Variants in ASTN1 observed in about 807,000 individuals in gnomAD.
ASTN1 encodes astrotactin-1.
In ASTN1, 41 loss-of-function variants were observed where a neutral mutation model predicts 140.7. The observed-to-expected ratio is 0.29, with a 90% CI of 0.23 to 0.38. ASTN1 has a LOEUF of 0.38. Ranked by LOEUF, ASTN1 falls within the 10% of genes least tolerant of loss-of-function variation. The pLI, the probability that ASTN1 is intolerant of heterozygous loss-of-function variation, is 1.00. For synonymous variants in ASTN1, 640 were observed against 652.2 expected (o/e 0.98, Z 0.29); for missense variants, 1,479 against 1,678.8 (o/e 0.88, Z 2.08).
intron 11 of ASTN1, among the ~76,000 whole-genome samples, chr1:176,955,244 G>A (rs544026375): frequency 1.3e-5 from 2 of 152,276 alleles, no homozygotes; most frequent in South Asian, 4.2e-4. Context: ...TGGTTCAGCT[G>A]ATACATTTGT....
intron 9 of ASTN1, among the ~76,000 whole-genome samples, chr1:176,960,068 G>C (rs1350532361): frequency 1.3e-5 from 2 of 151,986 alleles, no homozygotes; most frequent in Non-Finnish European, 2.9e-5. Flanking sequence ...CAAACACACA[G>C]TTACACACTT....
intron 1 of ASTN1, among the ~76,000 whole-genome samples, chr1:177,083,659 G>T (rs768752945): frequency 1.2e-4 from 18 of 152,052 alleles, no homozygotes; most frequent in Non-Finnish European, 2.1e-4. Flanking sequence ...GCAAGCAATA[G>T]AAAAATCTTT....
chr1:176,967,482 T>C (rs1672936851), intron 8 of ASTN1, among the ~76,000 whole-genome samples: 1 of 152,238 alleles, frequency 6.6e-6, no homozygotes, highest in South Asian at 2.1e-4. Flanking sequence ...GGTAGGATCA[T>C]ATTTTATTTA....
At chr1:177,041,424 A>C (rs1676966505) in intron 2 of ASTN1, among the ~76,000 whole-genome samples, 1 of 152,236 alleles carries the variant, frequency 6.6e-6, no homozygotes, top group Non-Finnish European at 1.5e-5. Flanking sequence ...AGGGTCCACA[A>C]GGAAGCAGAA....
chr1:176,909,846 A>C (rs1002906673), intron 16 of ASTN1, among the ~76,000 whole-genome samples: 2 of 152,192 alleles, frequency 1.3e-5, no homozygotes. Context: ...TGGAATCACA[A>C]ACCCACAGAA....
intron 16 of ASTN1, among the ~76,000 whole-genome samples, chr1:176,926,882 C>T (rs1307303870): frequency 1.3e-5 from 2 of 152,194 alleles, no homozygotes; most frequent in African/African-American, 4.8e-5. Flanking sequence ...AAGGACAGGT[C>T]TAGGCTGTCC....
intron 2 of ASTN1, among the ~76,000 whole-genome samples, chr1:177,046,578 C>T (rs934242815): frequency 1.3e-5 from 2 of 152,164 alleles, no homozygotes; most frequent in Non-Finnish European, 2.9e-5. Context: ...ACCCTTTATA[C>T]CATGCCTCGT....
intron 1 of ASTN1, among the ~76,000 whole-genome samples, chr1:177,072,048 G>T (rs1412307003): frequency 6.6e-6 from 1 of 152,114 alleles, no homozygotes; most frequent in Non-Finnish European, 1.5e-5. Flanking sequence ...CAATTTCAAG[G>T]GTTAGAGCTA....
At chr1:177,005,539 A>G (rs1674951796) in intron 8 of ASTN1, among the ~76,000 whole-genome samples, 2 of 152,272 alleles carry the variant, frequency 1.3e-5, no homozygotes, top group Non-Finnish European at 2.9e-5. Flanking sequence ...TGTTTGTCAT[A>G]GCACAATTCA....
chr1:176,885,472 A>G (rs187760070), intron 18 of ASTN1, among the ~76,000 whole-genome samples: 49 of 152,240 alleles, frequency 3.2e-4, no homozygotes, highest in Non-Finnish European at 1.9e-4. Flanking sequence ...TTCTTTCAAG[A>G]TGACTGGATT....
At chr1:176,930,737 T>C (rs189994157) in intron 16 of ASTN1, among the ~76,000 whole-genome samples, 27 of 152,168 alleles carry the variant, frequency 1.8e-4, no homozygotes, top group Admixed American at 1.6e-3. Flanking sequence ...GCTGTTTTTG[T>C]AGAGTAAAAC....
downstream of ASTN1, chr1:176,857,702 C>G: frequency 1.9e-6 from 1 of 515,990 alleles, no homozygotes. Context: ...AGAGTCAGCA[C>G]TATGTGATAC....
intron 8 of ASTN1, among the ~76,000 whole-genome samples, chr1:176,979,018 A>G (rs1392587178): frequency 6.6e-6 from 1 of 152,144 alleles, no homozygotes; most frequent in African/African-American, 2.4e-5. Context: ...AGCAAAACTG[A>G]TGGGGGTCTG....
Position 176,862,927 on chromosome 1 carries a change from T to A in ASTN1, c.*1357A>T. 3 of 985,440 alleles carry A rather than the reference T, an allele frequency of 3.0e-6. No homozygotes were observed. Among genetic ancestry groups the A allele is most frequent in the Non-Finnish European group, 3.6e-6 (3 of 829,946 alleles). 61.0% of individuals were successfully genotyped at this position (985,440 alleles called of 1,614,324 possible). On this transcript the variant is annotated 3_prime_UTR_variant, in exon 23 of 23. Transcript: ENST00000361833. ...TATGTTTCCAGATGAGGAGCCCTGG[T>A]CAAAGGCATGGTGGCTGAAGGTGTG...
chr1:177,133,235 T>C (rs896695406), intron 1 of ASTN1, among the ~76,000 whole-genome samples: 11 of 152,222 alleles, frequency 7.2e-5, no homozygotes, highest in African/African-American at 2.7e-4. Flanking sequence ...TTGCCATTTA[T>C]AAACTTCTCA....
intron 8 of ASTN1, among the ~76,000 whole-genome samples, chr1:177,001,870 AC>A (rs1674742745): frequency 2.0e-5 from 3 of 152,168 alleles, no homozygotes; most frequent in Non-Finnish European, 4.4e-5. Context: ...TCCACTTGTG[AC>A]CATCCAACAA....
At chr1:177,149,597 C>CTGTATATATATAGTAAATATATATACAG (rs1558131425) in intron 1 of ASTN1, among the ~76,000 whole-genome samples, 10 of 61,534 alleles carry the variant, frequency 1.6e-4, no homozygotes, top group East Asian at 4.8e-4. Context: ...TATATATACA[C>CTGTATATATATAGTAAATATATATACAG]TGTATATATA....
At position 177,123,833 on chromosome 1, in the gene ASTN1, C is replaced by A. The variant is rs984899131; in HGVS notation, c.283+40561G>T. 2.6e-5 allele frequency among the ~76,000 whole-genome samples: 4 copies of A among 152,234 alleles called. No individual in the cohort carries two copies. In the South Asian group the frequency reaches 8.3e-4, roughly 32 times the overall value. ...CCAAACCTTTGGGAGGCCTCAGGAT[C>A]GATTTGTGAGCTAACCCCAGGCAGG... On this transcript the variant is annotated intron_variant, in intron 1 of 22. Coordinates refer to ENST00000361833, the MANE Select transcript of ASTN1 (RefSeq NM_004319.3).
chr1:177,053,576 C>A (rs1233198254), intron 2 of ASTN1, among the ~76,000 whole-genome samples: 3 of 152,026 alleles, frequency 2.0e-5, no homozygotes, highest in Admixed American at 6.6e-5. Flanking sequence ...AAATCTGAAG[C>A]CTGAAAACAG....
Sources: allele counts gnomAD v4.1 joint callset (sites outside exome capture counted in the v4.1 genomes callset), GRCh38; gene constraint gnomAD v4.1.1; transcripts MANE v1.5; gene names NCBI Gene and HGNC (gene_info 2026-07-23, HGNC 2026-07-21).